The following TNXB variants were observed in gnomAD, a reference collection of about 807,000 sequenced individuals.
TNXB encodes tenascin XB.
In TNXB, 183 loss-of-function variants were observed where a neutral mutation model predicts 340.5. That is an observed-to-expected ratio of 0.54 (90% CI 0.48 to 0.61). TNXB has a LOEUF of 0.61. Ranked by LOEUF, TNXB falls within the 20% of genes least tolerant of loss-of-function variation. The pLI is 0.00. For synonymous variants in TNXB, 2,121 were observed against 2,314.5 expected, an observed-to-expected ratio of 0.92 and a Z score of 2.40; for missense variants, 4,613 against 5,446.4, an observed-to-expected ratio of 0.85 and a Z score of 4.82.
chr6:32,098,452 G>GT (rs1780539983), intron 1 of TNXB, among the ~76,000 whole-genome samples: 1 of 149,746 alleles, frequency 6.7e-6, no homozygotes. Flanking sequence ...CCCCTACACT[G>GT]GTTTTTTTGT....
rs575214382 is a variant in TNXB at position 32,068,095 on chromosome 6, C to T, written c.6221-111G>A. ...CGAGGTCAGTTCAGAGAGGCCTACT[C>T]TTGGGGCTGGGTGGTCCTGCTCAGC... On this transcript the variant is annotated intron_variant, in intron 17 of 43. Coordinates refer to ENST00000644971, the MANE Select transcript of TNXB (RefSeq NM_001365276.2). This position sits in a 1 kb window ranked among gnomAD's most constrained non-coding sequence, Gnocchi z 5.3. The T allele has an allele frequency of 1.4e-6, 2 of 1,431,822 alleles. No homozygotes were observed. Among genetic ancestry groups the T allele is most frequent in the African/African-American group, 2.8e-5 (2 of 70,596 alleles). 88.7% of individuals were successfully genotyped at this position (1,431,822 alleles called of 1,614,324 possible). A position where few individuals can be genotyped will look rare whatever the true frequency, so the allele number is the denominator to read the frequency against.
rs773701143 is a variant in TNXB, at chr6:32,043,798, C to A, written c.11481G>T (p.Ser3827=). 1 of 1,613,372 alleles carries A rather than the reference C, an allele frequency of 6.2e-7. No individual in the cohort carries two copies. Among genetic ancestry groups the A allele is most frequent in the African/African-American group, 1.3e-5 (1 of 74,876 alleles). Residue 3827 remains serine (S), a synonymous_variant, in exon 35 of 44, where the codon TCG becomes TCT. Transcript: ENST00000644971. The part of the protein sequence containing the change: ...PGARYEVTVV[S]VRGFEESEPL... The stretch of plus-strand genomic sequence containing the variant: ...GCTCACTCTCCTCAAAGCCTCGGAC[C>A]GAGACCACGGTCACCTCATAGCGAG...
Position 32,084,536 on chromosome 6 carries a change from C to A in TNXB, c.3322G>T (p.Val1108Leu), listed in dbSNP as rs121912575. ...ACGGCCGAGCGCTGGGGTCCTTCCA[C>A]GGGCACCACCTGGGGCTGCCCGTCC... ...DRDGQPQVVP[V>L]EGPQRSAVIT... Residue 1108 changes from valine to leucine, a missense_variant, in exon 8 of 44, where the codon GTG (valine) becomes TTG (leucine). Coordinates refer to ENST00000644971, the MANE Select transcript of TNXB (RefSeq NM_001365276.2). The surrounding 1 kb of genome is among the most constrained non-coding windows in gnomAD (Gnocchi z 5.5). 2 of 1,608,674 alleles carry A rather than the reference C, an allele frequency of 1.2e-6. No homozygotes were observed. The highest frequency in any genetic ancestry group is 2.2e-5 in the South Asian group (2 of 90,144).
chr6:32,094,812 G>T (rs1216531267), intron 4 of TNXB, among the ~76,000 whole-genome samples: 2 of 152,194 alleles, frequency 1.3e-5, no homozygotes, highest in Non-Finnish European at 2.9e-5. Flanking sequence ...TAACAGTGAT[G>T]ACCAACAATG....
chr6:32,049,554 G>C lies in TNXB; in HGVS notation c.9473C>G (p.Thr3158Ser). The change falls in exon 28 of 44, where the codon ACT becomes AGT. Residue 3158 changes from threonine to serine, a missense_variant. This residue lies in a region of TNXB where 4,327 missense variants were observed against 4,859.4 expected (regional missense o/e 0.89). Transcript: ENST00000644971. The surrounding 1 kb of genome is among the most constrained non-coding windows in gnomAD (Gnocchi z 4.5). ...CTCCTCAGGGGCCTCCGGGGCCTCA[G>C]TGCTGGGTTCTGTGGGGCTGGGGGT... ...EETPSPTEPS[T>S]EAPEAPEEPL... 1 of 1,612,524 alleles carries C rather than the reference G, an allele frequency of 6.2e-7. No individual in the cohort carries two copies. The highest frequency in any genetic ancestry group is 8.5e-7 in the Non-Finnish European group (1 of 1,179,806).
chr6:32,096,579 T>C lies in TNXB; in HGVS notation c.1274A>G (p.Tyr425Cys). The C allele has an allele frequency of 1.3e-6, 2 of 1,593,094 alleles. No homozygotes were observed. The highest frequency in any genetic ancestry group is 1.7e-6 in the Non-Finnish European group (2 of 1,173,614). Residue 425 changes from tyrosine to cysteine, a missense_variant, in exon 3 of 44, where the codon TAC (tyrosine) becomes TGC (cysteine). Transcript: ENST00000644971. ...EDGRCVCWPG[Y>C]TGTDCGSRAC... ...GCGCGAGCCGCAATCGGTTCCAGTG[T>C]ACCCCGGCCAGCACACGCAGCGGCC...
At chr6:32,099,181 A>C (rs1411697833) in intron 1 of TNXB, among the ~76,000 whole-genome samples, 7 of 151,666 alleles carry the variant, frequency 4.6e-5, no homozygotes, top group Admixed American at 4.6e-4. Context: ...CCTGGATCCC[A>C]GCTCCTACTG....
intron 24 of TNXB, among the ~76,000 whole-genome samples, chr6:32,054,304 G>A (rs1271818297): frequency 6.6e-6 from 1 of 152,114 alleles, no homozygotes; most frequent in East Asian, 1.9e-4. Context: ...TAGCTCCCAC[G>A]GATGAACTTC....
At position 32,047,918 on chromosome 6, in the gene TNXB, G is replaced by A. The variant is rs1160518899; in HGVS notation, c.10140C>T (p.Gly3380=). 1.2e-6 allele frequency: 2 copies of A among 1,612,548 alleles called. No homozygotes were observed. The highest frequency in any genetic ancestry group is 1.6e-4 in the Middle Eastern group (1 of 6,084). Residue 3380 remains glycine, a synonymous_variant, in exon 30 of 44, where the codon GGC becomes GGT. Transcript: ENST00000644971. This position sits in a 1 kb window ranked among gnomAD's most constrained non-coding sequence, Gnocchi z 6.2. ...ACTGGACCACGAAGGAGTCGAATTCGCCCTCAGGGACCGTCCACGAGAGGC... is the reference window on the plus strand; with the variant it reads ...ACTGGACCACGAAGGAGTCGAATTCACCCTCAGGGACCGTCCACGAGAGGC... ...SVGLSWTVPE[G]EFDSFVVQYK...
At position 32,097,988 on chromosome 6, in the gene TNXB, C is replaced by T; in HGVS notation, c.211G>A (p.Val71Met). The T allele has an allele frequency of 1.2e-6, 2 of 1,607,324 alleles. No homozygotes were observed. Among genetic ancestry groups the T allele is most frequent in the Admixed American group, 1.7e-5 (1 of 60,018 alleles). Residue 71 changes from valine to methionine, a missense_variant, in exon 2 of 44, where the codon GTG becomes ATG. Val to Met is a conservative substitution (Grantham distance 21). Coordinates refer to ENST00000644971, the MANE Select transcript of TNXB (RefSeq NM_001365276.2). The surrounding 1 kb of genome is among the most constrained non-coding windows in gnomAD (Gnocchi z 5.9). ...EHTVEGGEKQVVFTHRINLPP... is the reference protein window; with the variant it reads ...EHTVEGGEKQMVFTHRINLPP... ...AGGTTAATGCGGTGGGTGAATACCA[C>T]CTGCTTCTCCCCTCCTTCCACTGTG... is the stretch of plus-strand genomic sequence containing the variant.
At position 32,107,220 on chromosome 6, in the gene TNXB, C is replaced by A. The variant is rs117107028; in HGVS notation, c.-9+1961G>T. 1.8e-3 allele frequency among the ~76,000 whole-genome samples: 281 copies of A among 152,288 alleles called. 10 individuals carry two copies. The East Asian group carries it at 0.033, about 18-fold the overall frequency. On this transcript the variant is annotated intron_variant, in intron 1 of 43. Transcript: ENST00000644971. ...GAGGCCTCTGTGAGTTGTCCAGTGC[C>A]CCTCCCCAAATAAGTGGATTCCTCA...
chr6:32,062,431 AG>A lies in TNXB; in HGVS notation c.6893del (p.Pro2298LeufsTer12). 6.2e-7 allele frequency: 1 copy of A among 1,612,080 alleles called. No homozygotes were observed. The highest frequency in any genetic ancestry group is 8.5e-7 in the Non-Finnish European group (1 of 1,179,168). The stretch of plus-strand genomic sequence containing the variant: ...CCAGGCGAGGCTTGATGGGGGGTTC[AG>A]GGGTGGGAGGTTCTGTCGAGGCTGG... ...MAPASTEPPT[P>X]EPPIKPRLEE... is the part of the protein sequence containing the mutation. On this transcript the variant is annotated frameshift_variant, in exon 20 of 44. Transcript: ENST00000644971. LOFTEE classifies it high-confidence loss of function. This position sits in a 1 kb window ranked among gnomAD's most constrained non-coding sequence, Gnocchi z 4.3.
chr6:32,103,429 CA>C (rs9281651), intron 1 of TNXB, among the ~76,000 whole-genome samples: 3,030 of 129,714 alleles, frequency 0.023, 104 homozygotes, highest in African/African-American at 0.079. Flanking sequence ...GACTCCATCT[CA>C]AAAAAAAAAA....
Position 32,053,637 on chromosome 6 carries a change from C to T in TNXB, c.8542G>A (p.Gly2848Arg), listed in dbSNP as rs61745355. 0.023 allele frequency: 37,127 copies of T among 1,613,382 alleles called. 962 individuals are homozygous for T. Among genetic ancestry groups the T allele is most frequent in the Non-Finnish European group, 0.022 (26,340 of 1,179,818 alleles). Residue 2848 changes from glycine (G) to arginine (R), a missense_variant, in exon 25 of 44, where the codon GGG becomes AGG. By Grantham distance (125) the Gly-to-Arg change is moderately radical (BLOSUM62 -2). This residue lies in a region of TNXB where 4,327 missense variants were observed against 4,859.4 expected (regional missense o/e 0.89). Transcript: ENST00000644971. ...GTGGCATCTGTCACGGTCAGCTCCC[C>T]GAGGCGAGGCTTGTTGGGGGGCTCA... ...TPEPPNKPRL[G>R]ELTVTDATPD...
chr6:32,047,898 A>G lies in TNXB; in HGVS notation c.10160T>C (p.Val3387Ala). Reference protein sequence around the residue: ...VPEGEFDSFVVQYKDKDGRLQ... With the variant: ...VPEGEFDSFVAQYKDKDGRLQ... Reference sequence around the variant, plus strand: ...CCGACCATCCTTATCCTTGTACTGGACCACGAAGGAGTCGAATTCGCCCTC... The same window carrying G: ...CCGACCATCCTTATCCTTGTACTGGGCCACGAAGGAGTCGAATTCGCCCTC... Residue 3387 changes from valine to alanine, a missense_variant, in exon 30 of 44, where the codon GTC (valine) becomes GCC (alanine). Transcript: ENST00000644971. The surrounding 1 kb of genome is among the most constrained non-coding windows in gnomAD (Gnocchi z 6.2). The G allele has an allele frequency of 1.9e-6, 3 of 1,612,604 alleles. No individual in the cohort carries two copies. The highest frequency in any genetic ancestry group is 2.5e-6 in the Non-Finnish European group (3 of 1,179,688).
In TNXB at chr6:32,055,966, G is replaced by A. The variant is rs200041899; in HGVS notation, c.8352C>T (p.Gly2784=). ...DGRPQVMRVR[G]EESEVTVGGL... ...CCCCCACGGTGACCTCGCTCTCCTCGCCCCTGACACGCATCACCTGGGGCC... is the reference window on the plus strand; with the variant it reads ...CCCCCACGGTGACCTCGCTCTCCTCACCCCTGACACGCATCACCTGGGGCC... Residue 2784 remains glycine, a synonymous_variant, in exon 24 of 44, where the codon GGC becomes GGT. Coordinates refer to ENST00000644971, the MANE Select transcript of TNXB (RefSeq NM_001365276.2). 3.7e-6 allele frequency: 6 copies of A among 1,613,430 alleles called. No individual in the cohort carries two copies. Among genetic ancestry groups the A allele is most frequent in the Non-Finnish European group, 4.2e-6 (5 of 1,179,870 alleles).
chr6:32,101,150 A>G lies in TNXB; in HGVS notation c.-8-2944T>C. The stretch of plus-strand genomic sequence containing the variant: ...AAAATCAGGAAACCTAGTTTTTTAA[A>G]TTGTCAAAAGACAAACAGGTACTCC... On this transcript the variant is annotated intron_variant, in intron 1 of 43. Transcript: ENST00000644971. 1.3e-5 allele frequency among the ~76,000 whole-genome samples: 2 copies of G among 151,836 alleles called. 1 individual carries two copies. Among genetic ancestry groups the G allele is most frequent in the Non-Finnish European group, 2.9e-5 (2 of 67,960 alleles).
chr6:32,088,352 T>C (rs367728969), intron 6 of TNXB, among the ~76,000 whole-genome samples: 89 of 152,254 alleles, frequency 5.8e-4, no homozygotes, highest in African/African-American at 2.0e-3. Context: ...CGAGGTTTAG[T>C]GGAAAATCAC....
rs200369087 is a variant in TNXB, at chr6:32,095,901, A to G, written c.1952T>C (p.Met651Thr). ...ACGTCCCCGGCAGTCAGCCGGGCAC[A>G]TGCGGGTGGCACAGGTAGGGCCGGT... ...GYTGPTCATR[M>T]CPADCRGRGR... The change falls in exon 3 of 44, where the codon ATG (methionine) becomes ACG (threonine). Residue 651 changes from methionine (M) to threonine (T), a missense_variant. Physicochemically the swap from Met to Thr is moderately conservative, Grantham distance 81. This residue lies in a region of TNXB where 4,327 missense variants were observed against 4,859.4 expected (regional missense o/e 0.89). Transcript: ENST00000644971. The G allele has an allele frequency of 1.4e-4, 221 of 1,612,574 alleles. No individual in the cohort carries two copies. The African/African-American group carries it at 2.6e-3, about 19-fold the overall frequency.
Sources: gnomAD v4.1 joint callset for allele counts (sites outside exome capture counted in the v4.1 genomes callset) on GRCh38, gnomAD v4.1.1 for gene constraint, gnomAD v4.1.1 regional missense constraint, Gnocchi (gnomAD v3.1) non-coding constraint, MANE v1.5 for transcripts, NCBI Gene and HGNC (gene_info 2026-07-23, HGNC 2026-07-21) for gene names.